The following IMPG2 variants were observed in gnomAD, a reference collection of about 807,000 sequenced individuals.
IMPG2 encodes the protein IPM 200.
IMPG2 carries 91 observed loss-of-function variants against 129.2 expected under a neutral mutation model. That is an observed-to-expected ratio of 0.70 (90% confidence interval 0.59 to 0.84). IMPG2 has a LOEUF of 0.84. IMPG2 is among the 40% of genes least tolerant of loss of function. IMPG2 has a pLI of 0.00. For missense variants in IMPG2, 1,430 were observed against 1,461.7 expected, an observed-to-expected ratio of 0.98 and a Z score of 0.35; for synonymous variants, 510 against 517.7, an observed-to-expected ratio of 0.99 and a Z score of 0.20.
intron 2 of IMPG2, among the ~76,000 whole-genome samples, chr3:101,304,980 C>G (rs1006802818): frequency 6.6e-6 from 1 of 152,004 alleles, no homozygotes; most frequent in Admixed American, 6.6e-5. Flanking sequence ...TATTTCATAT[C>G]TGAGAACAGA....
At chr3:101,308,297 C>A (rs1242920569) in intron 2 of IMPG2, among the ~76,000 whole-genome samples, 1 of 152,246 alleles carries the variant, frequency 6.6e-6, no homozygotes, top group East Asian at 1.9e-4. Flanking sequence ...CCCAACCCCA[C>A]ATTTCCCTTC....
At chr3:101,227,848 A>G (rs779329894) in intron 18 of IMPG2, 133 of 456,128 alleles carry the variant, frequency 2.9e-4, no homozygotes, top group African/African-American at 2.6e-3. Flanking sequence ...AGGAACCACG[A>G]GCAAAGGAGC....
intron 14 of IMPG2, among the ~76,000 whole-genome samples, chr3:101,236,977 T>C (rs1445715074): frequency 6.6e-6 from 1 of 152,212 alleles, no homozygotes. Flanking sequence ...TTTGAAATTC[T>C]TGCTGCCAGC....
rs759521183 is a variant in IMPG2 at position 101,319,655 on chromosome 3, C to A, written c.263G>T (p.Gly88Val). Residue 88 changes from glycine to valine, a missense_variant, in exon 2 of 19, where the codon GGA becomes GTA. Coordinates refer to ENST00000193391, the MANE Select transcript of IMPG2 (RefSeq NM_016247.4). ...ACTTTCATCTGGGCAGATTTTCACT[C>A]CATTAGGAAACAGAATAGATCTCCG... ...RRRRSILFPN[G>V]VKICPDESVA... The A allele has an allele frequency of 1.2e-5, 19 of 1,613,714 alleles. No individual in the cohort carries two copies. In the Middle Eastern group the frequency reaches 5.0e-4, roughly 42 times the overall value.
intron 2 of IMPG2, among the ~76,000 whole-genome samples, chr3:101,318,967 C>G (rs1265389557): frequency 1.3e-5 from 2 of 151,892 alleles, no homozygotes; most frequent in Non-Finnish European, 2.9e-5. Flanking sequence ...TTTATGTGTA[C>G]CAACTAGAGA....
rs1706625001 is a variant in IMPG2 at position 101,257,628 on chromosome 3, T to G, written c.1054A>C (p.Ser352Arg). The G allele has an allele frequency of 1.9e-6, 3 of 1,613,524 alleles. No homozygotes were observed. In the East Asian group the frequency reaches 6.7e-5, roughly 36 times the overall value. ...DDKPTVVYTI[S>R]NFRDYIAETL... ...TCAGCAATATAATCTCTGAAGTTAC[T>G]GATTGTATAAACAACAGTGGGTTTA... Residue 352 changes from serine to arginine, a missense_variant, in exon 10 of 19, where the codon AGT (serine) becomes CGT (arginine). Transcript: ENST00000193391.
In IMPG2 at chr3:101,243,559, A is replaced by G. The variant is rs1366892854; in HGVS notation, c.2772T>C (p.Tyr924=). 5 of 1,613,834 alleles carry G rather than the reference A, an allele frequency of 3.1e-6. No individual in the cohort carries two copies. The highest frequency in any genetic ancestry group is 4.5e-5 in the East Asian group (2 of 44,862). The change falls in exon 13 of 19, where the codon TAT becomes TAC. Residue 924 remains tyrosine, a synonymous_variant. Transcript: ENST00000193391. ...CTAAGAATCTTTGCTCCAGGGCTTT[A>G]TACTCCAAGGAGTTTTTATTAAACA... is the stretch of plus-strand genomic sequence containing the variant. The part of the protein sequence containing the change: ...EDLFNKNSLE[Y]KALEQRFLEL...
intron 4 of IMPG2, among the ~76,000 whole-genome samples, chr3:101,288,569 A>G (rs1197720011): frequency 3.3e-5 from 5 of 152,312 alleles, no homozygotes; most frequent in Middle Eastern, 3.4e-3. Context: ...ATGGAATTGG[A>G]GGCCATAATC....
intron 14 of IMPG2, among the ~76,000 whole-genome samples, chr3:101,239,919 G>C (rs969984123): frequency 6.6e-6 from 1 of 152,084 alleles, no homozygotes; most frequent in African/African-American, 2.4e-5. Context: ...GGGCCTGTCA[G>C]GGGTGGAGTG....
At chr3:101,287,695 T>TA (rs999871839) in intron 4 of IMPG2, among the ~76,000 whole-genome samples, 43 of 151,858 alleles carry the variant, frequency 2.8e-4, no homozygotes, top group Middle Eastern at 3.4e-3. Context: ...ATATGTAGAA[T>TA]AAAAAAAACT....
chr3:101,238,514 G>A lies in IMPG2; in HGVS notation c.3022+4174C>T, dbSNP rs543131730. On this transcript the variant is annotated intron_variant, in intron 14 of 18. Transcript: ENST00000193391. ...AAGGGAAACCCATCAGACTAACAGC[G>A]GATCTCTCTGCAGAAACCCTACAAG... 4.7e-4 allele frequency among the ~76,000 whole-genome samples: 71 copies of A among 152,278 alleles called. 1 individual carries two copies. The East Asian group carries it at 8.1e-3, about 17-fold the overall frequency.
chr3:101,293,445 A>T (rs1559655514), intron 3 of IMPG2, among the ~76,000 whole-genome samples: 1 of 152,218 alleles, frequency 6.6e-6, no homozygotes, highest in Non-Finnish European at 1.5e-5. Context: ...AGATTCAGTA[A>T]ACCATACTGT....
At position 101,242,901 on chromosome 3, in the gene IMPG2, G is replaced by C; in HGVS notation, c.2809C>G (p.Pro937Ala). The stretch of plus-strand genomic sequence containing the variant: ...CCCGTGAGATTTGACTGGAGATAGG[G>C]AACCAGCTACAATATACAAAAGTGG... Reference protein sequence around the residue: ...LEQRFLELLVPYLQSNLTGFQ... With the variant: ...LEQRFLELLVAYLQSNLTGFQ... Residue 937 changes from proline (P) to alanine (A), a missense_variant, in exon 14 of 19, where the codon CCC (proline) becomes GCC (alanine). By Grantham distance (27) the Pro-to-Ala change is conservative. Coordinates refer to ENST00000193391, the MANE Select transcript of IMPG2 (RefSeq NM_016247.4). The C allele has an allele frequency of 6.2e-7, 1 of 1,613,106 alleles. No homozygotes were observed. Among genetic ancestry groups the C allele is most frequent in the East Asian group, 2.2e-5 (1 of 44,856 alleles).
intron 15 of IMPG2, among the ~76,000 whole-genome samples, chr3:101,231,960 C>T (rs1226802150): frequency 6.6e-6 from 1 of 152,090 alleles, no homozygotes; most frequent in Non-Finnish European, 1.5e-5. Context: ...ATATTTTTGT[C>T]ACCACTTTGA....
chr3:101,310,873 T>C (rs181256268), intron 2 of IMPG2, among the ~76,000 whole-genome samples: 37 of 152,312 alleles, frequency 2.4e-4, no homozygotes, highest in Admixed American at 7.8e-4. Context: ...CTATAAATTA[T>C]GCTTTGGGCA....
At chr3:101,310,670 T>C (rs1707255330) in intron 2 of IMPG2, among the ~76,000 whole-genome samples, 1 of 152,098 alleles carries the variant, frequency 6.6e-6, no homozygotes, top group African/African-American at 2.4e-5. Context: ...AATATGAGTG[T>C]TTACGACATC....
intron 2 of IMPG2, among the ~76,000 whole-genome samples, chr3:101,310,615 T>C (rs1247442754): frequency 1.4e-5 from 2 of 144,652 alleles, no homozygotes; most frequent in Non-Finnish European, 3.0e-5. Flanking sequence ...AGACACATAA[T>C]AAAGCAAACA....
intron 4 of IMPG2, among the ~76,000 whole-genome samples, chr3:101,290,114 T>G (rs928567441): frequency 1.3e-5 from 2 of 152,008 alleles, no homozygotes; most frequent in African/African-American, 4.8e-5. Flanking sequence ...TAAGGTTCCT[T>G]CTAGTTCTAT....
intron 9 of IMPG2, among the ~76,000 whole-genome samples, chr3:101,260,017 T>C (rs866000182): frequency 9.5e-4 from 145 of 152,238 alleles, no homozygotes; most frequent in African/African-American, 3.2e-3. Flanking sequence ...TTGTCTTTTA[T>C]GGTTTGGTAA....
Sources: allele counts gnomAD v4.1 joint callset (sites outside exome capture counted in the v4.1 genomes callset), GRCh38; gene constraint gnomAD v4.1.1; transcripts MANE v1.5; gene names NCBI Gene and HGNC (gene_info 2026-07-23, HGNC 2026-07-21).